Variants in MRPS21 observed in about 807,000 individuals in gnomAD.
The protein encoded by MRPS21 is mitochondrial ribosomal protein S21.
In MRPS21, 8 loss-of-function variants were observed where a neutral mutation model predicts 9.9. The observed-to-expected ratio is 0.81, with a 90% CI of 0.47 to 1.45. The LOEUF (loss-of-function observed/expected upper bound fraction) is 1.45, where lower values mean the gene tolerates loss of function less well. MRPS21 is among the 40% of genes most tolerant of loss of function. MRPS21 has a pLI of 0.00. For synonymous variants in MRPS21, 40 were observed against 40.3 expected (o/e 0.99, Z 0.03); for missense variants, 101 against 118.9 (o/e 0.85, Z 0.70).
intron 2 of MRPS21, chr1:150,304,315 A>AAC (rs1654247361): frequency 4.5e-6 from 1 of 219,972 alleles, no homozygotes; most frequent in Non-Finnish European, 9.2e-6. Context: ...TGCCTACAAA[A>AAC]AAAAAAAAAT....
chr1:150,294,476 C>A lies in MRPS21; in HGVS notation c.83+27C>A, dbSNP rs374471359. 1.9e-6 allele frequency: 3 copies of A among 1,569,740 alleles called. No individual in the cohort carries two copies. In the African/African-American group the frequency reaches 4.1e-5, roughly 21 times the overall value. The stretch of plus-strand genomic sequence containing the variant: ...TAACTGTTAAGGGACCAGAATCATG[C>A]CTAGACTCTCTGGGAAGTGCGGTGG... On this transcript the variant is annotated intron_variant, in intron 2 of 2. Transcript: ENST00000614145.
chr1:150,308,028 C>T lies in MRPS21; in HGVS notation c.84-20C>T. On this transcript the variant is annotated intron_variant, in intron 2 of 2. Transcript: ENST00000614145. ...AATGATGATCCCAAATGTCTAACCT[C>T]ATTGCTTGCCTTTATACAGAATCCT... 2 of 1,548,812 alleles carry T rather than the reference C, an allele frequency of 1.3e-6. No homozygotes were observed. The highest frequency in any genetic ancestry group is 1.8e-6 in the Non-Finnish European group (2 of 1,133,530).
In MRPS21 at chr1:150,308,503, G is replaced by A; in HGVS notation, c.*275G>A. ...GGGCAGTGAGGAGTTATTGTTTAAT[G>A]GGTACAGAGTTTCAGTTTGGGCAGA... On this transcript the variant is annotated 3_prime_UTR_variant, in exon 3 of 3. Transcript: ENST00000614145. The A allele has an allele frequency of 3.3e-6, 1 of 299,646 alleles. No individual in the cohort carries two copies. Among genetic ancestry groups the A allele is most frequent in the South Asian group, 7.1e-5 (1 of 13,996 alleles). The allele number at this position is 299,646 out of a possible 1,614,324, so 18.6% of individuals were successfully genotyped here.
In MRPS21 at chr1:150,308,119, G is replaced by A. The variant is rs782778925; in HGVS notation, c.155G>A (p.Arg52Gln). 4.4e-6 allele frequency: 7 copies of A among 1,608,092 alleles called. No homozygotes were observed. The highest frequency in any genetic ancestry group is 6.0e-6 in the Non-Finnish European group (7 of 1,174,886). Reference sequence around the variant, plus strand: ...TATTATGAGAAGCCATGCTGCCGGCGACAGAGGGAAAGCTATGAAAGGTGC... The same window carrying A: ...TATTATGAGAAGCCATGCTGCCGGCAACAGAGGGAAAGCTATGAAAGGTGC... ...RRYYEKPCCR[R>Q]QRESYERCRR... is the part of the protein sequence containing the mutation. Residue 52 changes from arginine (R) to glutamine (Q), a missense_variant, in exon 3 of 3, where the codon CGA becomes CAA. Arg to Gln is a conservative substitution (Grantham distance 43, BLOSUM62 1). Coordinates refer to ENST00000614145, the MANE Select transcript of MRPS21 (RefSeq NM_031901.6).
intron 2 of MRPS21, among the ~76,000 whole-genome samples, chr1:150,298,079 A>G (rs1280629161): frequency 6.6e-6 from 1 of 151,882 alleles, no homozygotes; most frequent in African/African-American, 2.4e-5. Context: ...GATTACAGGC[A>G]TGCGCCACCA....
intron 2 of MRPS21, among the ~76,000 whole-genome samples, chr1:150,297,816 C>T (rs1240446413): frequency 1.3e-5 from 2 of 152,126 alleles, no homozygotes; most frequent in Non-Finnish European, 2.9e-5. Flanking sequence ...TTTCATTTTT[C>T]TCTGTTTCTC....
At chr1:150,304,483 G>A (rs1315434828) in intron 2 of MRPS21, among the ~76,000 whole-genome samples, 2 of 152,090 alleles carry the variant, frequency 1.3e-5, no homozygotes, top group Non-Finnish European at 2.9e-5. Context: ...ACAGCCAAGC[G>A]CAGTGGCTCA....
At chr1:150,297,329 A>G (rs1364064747) in intron 2 of MRPS21, among the ~76,000 whole-genome samples, 1 of 150,912 alleles carries the variant, frequency 6.6e-6, no homozygotes, top group African/African-American at 2.4e-5. Flanking sequence ...AAGCTGTGTA[A>G]ATGAGAAGCA....
At chr1:150,298,180 G>A (rs907737868) in intron 2 of MRPS21, among the ~76,000 whole-genome samples, 3 of 152,108 alleles carry the variant, frequency 2.0e-5, no homozygotes, top group Admixed American at 6.6e-5. Context: ...TGATCCACCC[G>A]CCTTGGCCTC....
At chr1:150,296,760 T>A (rs1357717452) in intron 2 of MRPS21, among the ~76,000 whole-genome samples, 1 of 151,412 alleles carries the variant, frequency 6.6e-6, no homozygotes, top group African/African-American at 2.4e-5. Flanking sequence ...TAATAATTAT[T>A]ACTAGTCTTA....
intron 2 of MRPS21, among the ~76,000 whole-genome samples, chr1:150,306,710 G>A (rs587737112): frequency 6.6e-6 from 1 of 152,256 alleles, no homozygotes; most frequent in African/African-American, 2.4e-5. Flanking sequence ...GGTCAGGCTG[G>A]TCTCAAACTC....
In MRPS21 at chr1:150,308,226, T is replaced by C; in HGVS notation, c.262T>C (p.Ter88ArgextTer66). The change falls in exon 3 of 3, where the codon TGA (stop) becomes CGA (arginine). Residue 88 changes from the stop codon to arginine (R), a stop_lost. Coordinates refer to ENST00000614145, the MANE Select transcript of MRPS21 (RefSeq NM_031901.6). ...KNRADPWQGC[*>R] ...TCGGGCAGATCCGTGGCAGGGCTGC[T>C]GAGGCCTGTGGGTGGGACACCCAGT... 1 of 1,589,352 alleles carries C rather than the reference T, an allele frequency of 6.3e-7. No individual in the cohort carries two copies.
chr1:150,304,483 G>T (rs1315434828), intron 2 of MRPS21, among the ~76,000 whole-genome samples: 1 of 152,090 alleles, frequency 6.6e-6, no homozygotes, highest in Non-Finnish European at 1.5e-5. Context: ...ACAGCCAAGC[G>T]CAGTGGCTCA....
intron 2 of MRPS21, among the ~76,000 whole-genome samples, chr1:150,297,891 T>G (rs1553856849): frequency 6.6e-6 from 1 of 152,082 alleles, no homozygotes; most frequent in Non-Finnish European, 1.5e-5. Context: ...TTATGTCTAA[T>G]GACCTTTCTC....
rs1653827929 is a variant in MRPS21 at position 150,294,173 on chromosome 1, A to C, written c.-32-162A>C. 9.1e-6 allele frequency: 5 copies of C among 548,892 alleles called. No homozygotes were observed. In the East Asian group the frequency reaches 1.6e-4, roughly 18 times the overall value. 34.0% of individuals were successfully genotyped at this position (548,892 alleles called of 1,614,324 possible). On this transcript the variant is annotated intron_variant, in intron 1 of 2. Transcript: ENST00000614145. ...TTTGGACTGGCAGTGAGAATAAGAG[A>C]CAACGATTCACGTCTACTTTCTAGG...
At chr1:150,295,295 C>T (rs782236479) in intron 2 of MRPS21, among the ~76,000 whole-genome samples, 4 of 152,124 alleles carry the variant, frequency 2.6e-5, no homozygotes, top group Non-Finnish European at 4.4e-5. Context: ...AGCGCCCGGC[C>T]CCGCTTTTTA....
intron 2 of MRPS21, chr1:150,301,373 C>T: frequency 7.9e-6 from 2 of 253,386 alleles, no homozygotes; most frequent in South Asian, 3.4e-5. Flanking sequence ...TGGCAGGTGC[C>T]TGTAATCCCA....
chr1:150,304,309 T>TA (rs1157405019), intron 2 of MRPS21: 20 of 109,206 alleles, frequency 1.8e-4, no homozygotes, highest in South Asian at 5.5e-4. Context: ...AGGCCCTGCC[T>TA]ACAAAAAAAA....
intron 2 of MRPS21, among the ~76,000 whole-genome samples, chr1:150,295,232 G>A (rs1653874146): frequency 1.3e-5 from 2 of 152,038 alleles, no homozygotes; most frequent in African/African-American, 4.8e-5. Context: ...CTGACCTCAA[G>A]TGATCTGCCT....
Sources: gnomAD v4.1 joint callset for allele counts (sites outside exome capture counted in the v4.1 genomes callset) on GRCh38, gnomAD v4.1.1 for gene constraint, MANE v1.5 for transcripts, NCBI Gene and HGNC (gene_info 2026-07-23, HGNC 2026-07-21) for gene names.